The following CCSER1 variants were observed in gnomAD, a reference collection of about 807,000 sequenced individuals.
CCSER1 encodes the protein coiled-coil serine rich protein 1.
Under a neutral mutation model 82.0 loss-of-function variants are expected in CCSER1, and 41 were observed. The ratio of observed to expected loss-of-function variants is 0.50; its 90% CI spans 0.39 to 0.65. The LOEUF (loss-of-function observed/expected upper bound fraction) is 0.65. Ranked by LOEUF, CCSER1 falls within the 30% of genes least tolerant of loss-of-function variation. The probability of loss-of-function intolerance (pLI) is 0.00; values close to 1 mark genes in which losing one functional copy is unlikely to be tolerated. For missense variants in CCSER1, 1,119 were observed against 1,064.2 expected, an observed-to-expected ratio of 1.05 and a Z score of -0.72; for synonymous variants, 414 against 383.9, an observed-to-expected ratio of 1.08 and a Z score of -0.92.
intron 9 of CCSER1, among the ~76,000 whole-genome samples, chr4:90,991,079 T>G (rs1399187565): frequency 2.0e-5 from 3 of 151,966 alleles, no homozygotes; most frequent in East Asian, 3.9e-4. Context: ...GGTAGTATTG[T>G]GAGGAAATGA....
chr4:90,492,234 G>C, intron 5 of CCSER1, among the ~76,000 whole-genome samples: 1 of 151,974 alleles, frequency 6.6e-6, no homozygotes, highest in Non-Finnish European at 1.5e-5. Context: ...CTTCTTCCTG[G>C]TTTAGTCTTG....
intron 6 of CCSER1, among the ~76,000 whole-genome samples, chr4:90,666,614 T>C (rs2149123674): frequency 6.6e-6 from 1 of 152,218 alleles, no homozygotes; most frequent in African/African-American, 2.4e-5. Flanking sequence ...GGAGTGGTGA[T>C]AATTAGGAAA....
chr4:90,810,644 TCAACAACAACAACAA>T (rs34797230), intron 7 of CCSER1, among the ~76,000 whole-genome samples: 3 of 128,546 alleles, frequency 2.3e-5, no homozygotes, highest in Non-Finnish European at 5.0e-5. Flanking sequence ...AGACTCCCTC[TCAACAACAACAACAA>T]CAACAACAAC....
At chr4:91,464,206 T>TA (rs36138203) in intron 10 of CCSER1, among the ~76,000 whole-genome samples, 1 of 152,004 alleles carries the variant, frequency 6.6e-6, no homozygotes, top group Non-Finnish European at 1.5e-5. Flanking sequence ...TATTCAACAT[T>TA]TTAAAGAAAA....
chr4:91,274,279 A>G (rs149829049), intron 10 of CCSER1, among the ~76,000 whole-genome samples: 413 of 152,300 alleles, frequency 2.7e-3, no homozygotes, highest in Admixed American at 5.2e-3. Context: ...ATCAAGCCAG[A>G]GTGTTTAAGA....
chr4:90,661,362 C>G (rs992812598), intron 6 of CCSER1, among the ~76,000 whole-genome samples: 1 of 152,078 alleles, frequency 6.6e-6, no homozygotes, highest in African/African-American at 2.4e-5. Flanking sequence ...CTTTATTGTC[C>G]TTCTGTGCTT....
chr4:91,361,276 C>A (rs1292015312), intron 10 of CCSER1, among the ~76,000 whole-genome samples: 1 of 151,620 alleles, frequency 6.6e-6, no homozygotes, highest in Admixed American at 6.6e-5. Flanking sequence ...TGGTCCAGCA[C>A]AAATTATGAA....
intron 5 of CCSER1, among the ~76,000 whole-genome samples, chr4:90,485,900 G>GT (rs904414568): frequency 1.6e-4 from 24 of 151,812 alleles, no homozygotes; most frequent in Middle Eastern, 3.4e-3. Flanking sequence ...GTTTTGTTTT[G>GT]TTTTTTTAAT....
chr4:90,911,909 C>T (rs1726444688), intron 8 of CCSER1, among the ~76,000 whole-genome samples: 1 of 152,162 alleles, frequency 6.6e-6, no homozygotes, highest in Non-Finnish European at 1.5e-5. Flanking sequence ...GATCAAAGTG[C>T]AAGGCAGCAG....
chr4:91,040,867 A>G (rs1200413633), intron 9 of CCSER1, among the ~76,000 whole-genome samples: 1 of 152,162 alleles, frequency 6.6e-6, no homozygotes, highest in African/African-American at 2.4e-5. Context: ...AAAAGAGATG[A>G]GAGACATATT....
intron 10 of CCSER1, among the ~76,000 whole-genome samples, chr4:91,175,994 T>A (rs1348480082): frequency 6.6e-6 from 1 of 152,208 alleles, no homozygotes; most frequent in African/African-American, 2.4e-5. Context: ...TTGAATTAAT[T>A]TTTGTTTAAG....
intron 10 of CCSER1, among the ~76,000 whole-genome samples, chr4:91,199,704 A>G (rs1735746912): frequency 6.6e-6 from 1 of 152,018 alleles, no homozygotes; most frequent in Non-Finnish European, 1.5e-5. Flanking sequence ...GAAAATTAAT[A>G]ATGCTTCATT....
chr4:91,395,810 C>A (rs373213406), intron 10 of CCSER1, among the ~76,000 whole-genome samples: 25 of 151,994 alleles, frequency 1.6e-4, no homozygotes, highest in African/African-American at 5.8e-4. Flanking sequence ...AAGTAAGTAA[C>A]CTGGTTTTAT....
intron 9 of CCSER1, among the ~76,000 whole-genome samples, chr4:91,000,621 C>T (rs1737952105): frequency 1.3e-5 from 2 of 151,866 alleles, no homozygotes; most frequent in Non-Finnish European, 2.9e-5. Context: ...TGTAGTTCTC[C>T]TTTTAGAGAG....
intron 1 of CCSER1, among the ~76,000 whole-genome samples, chr4:90,262,637 G>C (rs973672867): frequency 2.0e-5 from 3 of 152,226 alleles, no homozygotes; most frequent in Non-Finnish European, 2.9e-5. Flanking sequence ...CCAATGGTGG[G>C]CAGGGATCCC....
chr4:91,163,410 G>T (rs988057703), intron 10 of CCSER1, among the ~76,000 whole-genome samples: 13 of 151,944 alleles, frequency 8.6e-5, no homozygotes, highest in Non-Finnish European at 1.8e-4. Context: ...ATATTCTGTT[G>T]ATTTGGGGTG....
At chr4:90,153,947 T>A (rs1450448795) in intron 1 of CCSER1, among the ~76,000 whole-genome samples, 1 of 152,216 alleles carries the variant, frequency 6.6e-6, no homozygotes, top group Non-Finnish European at 1.5e-5. Context: ...CATGAAGTCC[T>A]TGCCCATGCC....
At chr4:90,872,065 G>T (rs1007740900) in intron 8 of CCSER1, among the ~76,000 whole-genome samples, 1 of 151,604 alleles carries the variant, frequency 6.6e-6, no homozygotes, top group African/African-American at 2.4e-5. Flanking sequence ...GTTTATGGGT[G>T]AAGTTTGTAT....
intron 10 of CCSER1, among the ~76,000 whole-genome samples, chr4:91,283,100 C>T (rs1397035263): frequency 6.6e-6 from 1 of 151,564 alleles, no homozygotes; most frequent in African/African-American, 2.4e-5. Context: ...AAAACATGTC[C>T]TTGAGTATAT....
Sources: gnomAD v4.1 joint callset for allele counts (sites outside exome capture counted in the v4.1 genomes callset) on GRCh38, gnomAD v4.1.1 for gene constraint, MANE v1.5 for transcripts, NCBI Gene and HGNC (gene_info 2026-07-23, HGNC 2026-07-21) for gene names.